GNA12: variants seen among roughly 807,000 people sequenced by gnomAD.
GNA12 encodes the protein G protein subunit alpha 12, also known as guanine nucleotide-binding protein subunit alpha-12.
In GNA12, 9 loss-of-function variants were observed where a neutral mutation model predicts 26.0. The ratio of observed to expected loss-of-function variants is 0.35; its 90% CI spans 0.21 to 0.60. The LOEUF is 0.60. Ranked by LOEUF, GNA12 falls within the 20% of genes least tolerant of loss-of-function variation. GNA12 has a pLI of 0.78. For missense variants in GNA12, 405 were observed against 525.8 expected, an observed-to-expected ratio of 0.77 and a Z score of 2.25; for synonymous variants, 264 against 219.6, an observed-to-expected ratio of 1.20 and a Z score of -1.79.
chr7:2,825,435 G>A (rs1197366468), intron 1 of GNA12, among the ~76,000 whole-genome samples: 1 of 152,202 alleles, frequency 6.6e-6, no homozygotes, highest in Non-Finnish European at 1.5e-5. Flanking sequence ...TGCGCCCCCA[G>A]CAGTGTATGA....
chr7:2,786,893 A>G (rs1324914592), intron 2 of GNA12, among the ~76,000 whole-genome samples: 1 of 151,900 alleles, frequency 6.6e-6, no homozygotes, highest in African/African-American at 2.4e-5. Flanking sequence ...GAGACTGGGG[A>G]CTCTGGGTCT....
intron 2 of GNA12, among the ~76,000 whole-genome samples, chr7:2,755,411 T>C (rs1791246351): frequency 1.3e-5 from 2 of 152,220 alleles, no homozygotes; most frequent in African/African-American, 4.8e-5. Flanking sequence ...TTTGTTTAGA[T>C]CTCATTTCTT....
At chr7:2,821,181 G>A (rs1793362302) in intron 1 of GNA12, among the ~76,000 whole-genome samples, 1 of 152,182 alleles carries the variant, frequency 6.6e-6, no homozygotes, top group African/African-American at 2.4e-5. Flanking sequence ...TTTTTGTGAT[G>A]ACGCTTAGAT....
chr7:2,762,839 C>T (rs1395207908), intron 2 of GNA12: 47 of 1,493,710 alleles, frequency 3.1e-5, no homozygotes, highest in East Asian at 5.2e-5. Flanking sequence ...CCAGTCAGCG[C>T]GGCTCCGAAG....
chr7:2,773,469 G>C (rs917658320), intron 2 of GNA12, among the ~76,000 whole-genome samples: 10 of 152,166 alleles, frequency 6.6e-5, no homozygotes, highest in African/African-American at 2.4e-4. Context: ...GGCTGAGGCA[G>C]GAGAATTGCT....
intron 1 of GNA12, among the ~76,000 whole-genome samples, chr7:2,829,492 CTA>C (rs1793554534): frequency 1.3e-5 from 2 of 152,182 alleles, no homozygotes; most frequent in Admixed American, 1.3e-4. Context: ...TCCGATGCAC[CTA>C]TGAGATCTAT....
chr7:2,735,920 C>T (rs1790149318), intron 2 of GNA12, among the ~76,000 whole-genome samples: 1 of 152,106 alleles, frequency 6.6e-6, no homozygotes, highest in Admixed American at 6.5e-5. Flanking sequence ...CACAGAGCAA[C>T]CCTGTGTGAT....
intron 2 of GNA12, among the ~76,000 whole-genome samples, chr7:2,736,395 T>A (rs1236987021): frequency 6.6e-6 from 1 of 152,080 alleles, no homozygotes; most frequent in Non-Finnish European, 1.5e-5. Context: ...ATGAATTTCA[T>A]TAGGCTGGGG....
chr7:2,817,100 C>T (rs1793234791), intron 1 of GNA12, among the ~76,000 whole-genome samples: 1 of 152,314 alleles, frequency 6.6e-6, no homozygotes, highest in South Asian at 2.1e-4. Flanking sequence ...TCATACTCCA[C>T]TTTATTTTTA....
intron 2 of GNA12, among the ~76,000 whole-genome samples, chr7:2,780,048 G>GTGTATGTATATA (rs748113158): frequency 2.4e-5 from 2 of 84,734 alleles, no homozygotes; most frequent in African/African-American, 5.7e-5. Context: ...ACATTTCTGT[G>GTGTATGTATATA]TACATATATA....
chr7:2,806,475 A>AAAAAAAAAG (rs1554262008), intron 1 of GNA12, among the ~76,000 whole-genome samples: 4 of 150,644 alleles, frequency 2.7e-5, no homozygotes, highest in African/African-American at 7.3e-5. Context: ...AAAAAAAAAA[A>AAAAAAAAAG]AAAGAAAAAG....
intron 2 of GNA12, among the ~76,000 whole-genome samples, chr7:2,750,824 G>C (rs1224456814): frequency 6.6e-6 from 1 of 152,192 alleles, no homozygotes; most frequent in African/African-American, 2.4e-5. Context: ...CTCAGAACCA[G>C]ATTCGGATAT....
chr7:2,811,414 G>C (rs1023849319), intron 1 of GNA12, among the ~76,000 whole-genome samples: 6 of 152,242 alleles, frequency 3.9e-5, no homozygotes, highest in Admixed American at 1.3e-4. Context: ...CCTTGGCAGA[G>C]AAAGCCCAGA....
rs1426917370 is a variant in GNA12, at chr7:2,844,251, C to T, written c.-90G>A. The T allele has an allele frequency of 1.7e-5, 10 of 576,020 alleles. No individual in the cohort carries two copies. Among genetic ancestry groups the T allele is most frequent in the Non-Finnish European group, 1.3e-5 (6 of 457,880 alleles). The allele number at this position is 576,020 out of a possible 1,614,324, so 35.7% of individuals were successfully genotyped here. ...GGCGAGCCCGGGCCGAGGCACCGCC[C>T]CACGCCCCGCCGCTCGCCTCAGGCC... On this transcript the variant is annotated 5_prime_UTR_variant, in exon 1 of 4. Coordinates refer to ENST00000275364, the MANE Select transcript of GNA12 (RefSeq NM_007353.3).
At position 2,731,544 on chromosome 7, in the gene GNA12, G is replaced by A. The variant is rs1227587398; in HGVS notation, c.783C>T (p.Leu261=). The change falls in exon 4 of 4, where the codon CTC becomes CTT. Residue 261 remains leucine (L), a synonymous_variant. Coordinates refer to ENST00000275364, the MANE Select transcript of GNA12 (RefSeq NM_007353.3). This position sits in a 1 kb window ranked among gnomAD's most constrained non-coding sequence, Gnocchi z 6.0. ...MVSSSEYDQV[L]MEDRRTNRLV... is the part of the protein sequence containing the mutation. ...GCCGGTTGGTGCGCCTGTCCTCCATGAGGACCTGGTCGTACTCGCTGGAGG... is the reference window on the plus strand; with the variant it reads ...GCCGGTTGGTGCGCCTGTCCTCCATAAGGACCTGGTCGTACTCGCTGGAGG... 26 of 1,611,556 alleles carry A rather than the reference G, an allele frequency of 1.6e-5. No individual in the cohort carries two copies. Among genetic ancestry groups the A allele is most frequent in the Non-Finnish European group, 2.1e-5 (25 of 1,178,142 alleles).
At chr7:2,834,272 C>G (rs1207449252) in intron 1 of GNA12, among the ~76,000 whole-genome samples, 1 of 152,252 alleles carries the variant, frequency 6.6e-6, no homozygotes, top group Admixed American at 6.5e-5. Flanking sequence ...TTCTTCTCCA[C>G]TTGCTGAAAT....
At chr7:2,842,725 G>A (rs1350603050) in intron 1 of GNA12, among the ~76,000 whole-genome samples, 1 of 152,234 alleles carries the variant, frequency 6.6e-6, no homozygotes. Flanking sequence ...GAGGAATTCT[G>A]AACACTGGAT....
rs117399473 is a variant in GNA12, at chr7:2,836,274, C to A, written c.309+7579G>T. On this transcript the variant is annotated intron_variant, in intron 1 of 3. Transcript: ENST00000275364. Reference sequence around the variant, plus strand: ...AGCCCCAGACACTGAGTAAAAAGACCAGGATGATGGAGACTTCCACAAAGT... The same window carrying A: ...AGCCCCAGACACTGAGTAAAAAGACAAGGATGATGGAGACTTCCACAAAGT... Among the ~76,000 whole-genome samples, 770 of 152,256 alleles carry A rather than the reference C, an allele frequency of 5.1e-3. 4 individuals are homozygous for A. The highest frequency in any genetic ancestry group is 8.4e-3 in the Non-Finnish European group (573 of 68,020).
In GNA12 at chr7:2,762,619, A is replaced by G. The variant is rs1290044436; in HGVS notation, c.526-29118T>C. 3.2e-6 allele frequency: 5 copies of G among 1,552,264 alleles called. No homozygotes were observed. The South Asian group carries it at 6.0e-5, about 19-fold the overall frequency. ...AAAAAAGGACAATCCCCTTCCGGATAAGACCCCAATGCCATGAAGCACAGA... is the reference window on the plus strand; with the variant it reads ...AAAAAAGGACAATCCCCTTCCGGATGAGACCCCAATGCCATGAAGCACAGA... On this transcript the variant is annotated intron_variant, in intron 2 of 3. Coordinates refer to ENST00000275364, the MANE Select transcript of GNA12 (RefSeq NM_007353.3).
Sources: allele counts gnomAD v4.1 joint callset (sites outside exome capture counted in the v4.1 genomes callset), GRCh38; gene constraint gnomAD v4.1.1; non-coding constraint Gnocchi (gnomAD v3.1); transcripts MANE v1.5; gene names NCBI Gene and HGNC (gene_info 2026-07-23, HGNC 2026-07-21).